Variants in THSD4 observed in about 807,000 individuals in gnomAD.
THSD4 encodes thrombospondin type-1 domain-containing protein 4.
Under a neutral mutation model 119.0 loss-of-function variants are expected in THSD4, and 69 were observed. The observed-to-expected ratio is 0.58, with a 90% CI of 0.48 to 0.71. THSD4 has a LOEUF of 0.71. Ranked by LOEUF, THSD4 falls within the 30% of genes least tolerant of loss-of-function variation. The pLI, the probability that THSD4 is intolerant of heterozygous loss-of-function variation, is 0.00. For missense variants in THSD4, 1,393 were observed against 1,391.1 expected (o/e 1.00, Z -0.02); for synonymous variants, 524 against 540.4 (o/e 0.97, Z 0.42).
At chr15:71,745,055 C>T in intron 11 of THSD4, 51 bp from the exon 12 acceptor site, 7 of 1,571,302 alleles carry the variant, frequency 4.5e-6, no homozygotes, top group Non-Finnish European at 6.1e-6. Flanking sequence ...ACCCATAGCC[C>T]AGCTTTCCAG....
intron 4 of THSD4, among the ~76,000 whole-genome samples, chr15:71,234,132 C>T (rs1053813750): frequency 2.0e-5 from 3 of 152,204 alleles, no homozygotes; most frequent in African/African-American, 7.2e-5. Context: ...AGGTGGGCCC[C>T]TCCACCTTGA....
chr15:71,224,396 G>T (rs1277851514), intron 4 of THSD4, among the ~76,000 whole-genome samples: 1 of 152,192 alleles, frequency 6.6e-6, no homozygotes, highest in East Asian at 1.9e-4. Context: ...TGTATACAGT[G>T]TAAAGCCCAT....
intron 6 of THSD4, among the ~76,000 whole-genome samples, chr15:71,322,279 C>A (rs2140361790): frequency 6.6e-6 from 1 of 151,994 alleles, no homozygotes; most frequent in East Asian, 1.9e-4. Context: ...TGTAGGCGGG[C>A]CACCTAGACA....
chr15:71,581,011 G>A (rs1447916581), intron 7 of THSD4, among the ~76,000 whole-genome samples: 1 of 152,036 alleles, frequency 6.6e-6, no homozygotes, highest in East Asian at 1.9e-4. Flanking sequence ...GAATAATGCT[G>A]AAATGAACAT....
chr15:71,168,532 C>T (rs1321226183), intron 3 of THSD4, among the ~76,000 whole-genome samples: 1 of 152,104 alleles, frequency 6.6e-6, no homozygotes, highest in African/African-American at 2.4e-5. Flanking sequence ...GTCACGGCCA[C>T]CAGCCAAGGG....
At chr15:71,131,596 A>C (rs2040504947) in intron 1 of THSD4, among the ~76,000 whole-genome samples, 1 of 152,192 alleles carries the variant, frequency 6.6e-6, no homozygotes, top group Non-Finnish European at 1.5e-5. Flanking sequence ...TTCCAACTTT[A>C]CCAATAATCA....
rs369990707 is a variant in THSD4 at position 71,418,505 on chromosome 15, A to G, written c.1152+6682A>G. Reference sequence around the variant, plus strand: ...TTATCAAATGCTTTTATTGACATCAATTGAAAGGTCATATGGTTTTTGTCC... The same window carrying G: ...TTATCAAATGCTTTTATTGACATCAGTTGAAAGGTCATATGGTTTTTGTCC... On this transcript the variant is annotated intron_variant, in intron 7 of 17. Transcript: ENST00000261862. 1.4e-3 allele frequency among the ~76,000 whole-genome samples: 148 copies of G among 109,500 alleles called. 35 individuals carry two copies. The highest frequency in any genetic ancestry group is 4.3e-3 in the African/African-American group (140 of 32,398). The allele number at this position is 109,500 out of a possible 152,430, so 71.8% of individuals were successfully genotyped here. A position where few individuals can be genotyped will look rare whatever the true frequency, so the allele number is the denominator to read the frequency against.
At chr15:71,156,234 C>T (rs931676868) in intron 3 of THSD4, among the ~76,000 whole-genome samples, 2 of 151,574 alleles carry the variant, frequency 1.3e-5, no homozygotes, top group African/African-American at 4.8e-5. Context: ...GCAAGTTGGT[C>T]GGCTCCTTTT....
intron 6 of THSD4, among the ~76,000 whole-genome samples, chr15:71,387,688 AAGAG>A (rs940902581): frequency 6.6e-6 from 1 of 152,232 alleles, no homozygotes; most frequent in African/African-American, 2.4e-5. Context: ...GTCCTTAAAA[AAGAG>A]AGAAATCTTT....
chr15:71,162,329 C>T (rs539951258), intron 3 of THSD4, among the ~76,000 whole-genome samples: 2 of 152,096 alleles, frequency 1.3e-5, no homozygotes, highest in Non-Finnish European at 2.9e-5. Context: ...GATGAATTCT[C>T]TCAGTTTTTG....
intron 8 of THSD4, among the ~76,000 whole-genome samples, chr15:71,682,889 T>TTC (rs368205259): frequency 5.2e-5 from 2 of 38,710 alleles, no homozygotes; most frequent in Non-Finnish European, 4.6e-5. Flanking sequence ...TCTTTCTTTC[T>TTC]TTCTTTCTTT....
chr15:71,240,798 TACACACAC>T (rs58462444), intron 4 of THSD4, among the ~76,000 whole-genome samples: 4,584 of 145,560 alleles, frequency 0.031, 192 homozygotes, highest in African/African-American at 0.099. Context: ...TATATGTGTA[TACACACAC>T]ACACACACAC....
chr15:71,355,541 G>A (rs891840149), intron 6 of THSD4, among the ~76,000 whole-genome samples: 1 of 152,182 alleles, frequency 6.6e-6, no homozygotes, highest in Non-Finnish European at 1.5e-5. Context: ...CTGTAGCCCT[G>A]AGTATTATTG....
intron 14 of THSD4, among the ~76,000 whole-genome samples, chr15:71,755,177 A>G (rs532001567): frequency 6.7e-4 from 102 of 152,344 alleles, no homozygotes; most frequent in African/African-American, 2.4e-3. Context: ...GCTCAAAATA[A>G]TCAACATGCC....
chr15:71,651,744 T>A (rs1209205169), intron 7 of THSD4, among the ~76,000 whole-genome samples: 1 of 152,250 alleles, frequency 6.6e-6, no homozygotes, highest in East Asian at 1.9e-4. Flanking sequence ...AAATATGCAG[T>A]CAGCCTGCAT....
intron 6 of THSD4, among the ~76,000 whole-genome samples, chr15:71,275,381 C>T (rs1056104504): frequency 1.2e-4 from 19 of 152,226 alleles, no homozygotes; most frequent in African/African-American, 4.6e-4. Flanking sequence ...TTCTCTCACT[C>T]TCCGAGCAGA....
At chr15:71,479,980 T>C (rs2140663734) in intron 7 of THSD4, among the ~76,000 whole-genome samples, 1 of 152,334 alleles carries the variant, frequency 6.6e-6, no homozygotes, top group African/African-American at 2.4e-5. Context: ...GTGTTTATAT[T>C]GTATAAAATA....
At chr15:71,556,171 A>G (rs1036199398) in intron 7 of THSD4, among the ~76,000 whole-genome samples, 2 of 152,190 alleles carry the variant, frequency 1.3e-5, no homozygotes, top group African/African-American at 4.8e-5. Context: ...TTTTCCTTGA[A>G]AAATCATTTA....
At chr15:71,298,961 C>G (rs961239988) in intron 6 of THSD4, among the ~76,000 whole-genome samples, 2 of 152,122 alleles carry the variant, frequency 1.3e-5, no homozygotes, top group African/African-American at 4.8e-5. Context: ...GAAGCAGAAC[C>G]TTTGTTGTTG....
Sources: allele counts gnomAD v4.1 joint callset (sites outside exome capture counted in the v4.1 genomes callset), GRCh38; gene constraint gnomAD v4.1.1; transcripts MANE v1.5; gene names NCBI Gene and HGNC (gene_info 2026-07-23, HGNC 2026-07-21).